Variants in IKZF2 observed in about 807,000 individuals in gnomAD.
IKZF2 encodes IKAROS family zinc finger 2, also known as zinc finger protein Helios.
IKZF2 carries 15 observed loss-of-function variants against 49.2 expected under a neutral mutation model. The observed-to-expected ratio is 0.30, with a 90% confidence interval of 0.20 to 0.47. The LOEUF is 0.47. Among genes scored for constraint, IKZF2 ranks in the 20% least tolerant of loss-of-function variants. IKZF2 has a pLI of 1.00. For synonymous variants in IKZF2, 227 were observed against 221.4 expected (o/e 1.03, Z -0.23); for missense variants, 567 against 664.6 (o/e 0.85, Z 1.61).
rs569890887 is a variant in IKZF2 at position 213,058,288 on chromosome 2, T to A, written c.140-1189A>T. 6.6e-5 allele frequency among the ~76,000 whole-genome samples: 10 copies of A among 152,180 alleles called. 2 individuals are homozygous for A. In the South Asian group the frequency reaches 1.9e-3, roughly 28 times the overall value. ...GAGTCTCATGTTTGCAAAGTACAGATGAACTCAGATTACTGAATAAAGTTC... is the reference window on the plus strand; with the variant it reads ...GAGTCTCATGTTTGCAAAGTACAGAAGAACTCAGATTACTGAATAAAGTTC... On this transcript the variant is annotated intron_variant, in intron 4 of 8. Transcript: ENST00000434687.
intron 4 of IKZF2, among the ~76,000 whole-genome samples, chr2:213,061,578 T>C (rs1362829228): frequency 6.6e-6 from 1 of 151,514 alleles, no homozygotes; most frequent in African/African-American, 2.4e-5. Flanking sequence ...CATACATTTG[T>C]AGACCTTACA....
chr2:213,057,606 C>T (rs1170384268), intron 4 of IKZF2, among the ~76,000 whole-genome samples: 2 of 152,096 alleles, frequency 1.3e-5, no homozygotes, highest in Admixed American at 6.6e-5. Context: ...CTTAATCCAG[C>T]AAATGTCTTT....
At chr2:213,044,597 C>T (rs762466870) in intron 6 of IKZF2, among the ~76,000 whole-genome samples, 2 of 152,112 alleles carry the variant, frequency 1.3e-5, no homozygotes, top group African/African-American at 2.4e-5. Flanking sequence ...GGAGCCATGG[C>T]ATTACTTGCT....
intron 6 of IKZF2, among the ~76,000 whole-genome samples, chr2:213,044,951 A>G (rs1174520912): frequency 6.6e-6 from 1 of 152,194 alleles, no homozygotes; most frequent in Non-Finnish European, 1.5e-5. Context: ...CAACAACTTC[A>G]TTGAGGTATA....
At chr2:213,016,430 A>G (rs1480943466) in intron 7 of IKZF2, among the ~76,000 whole-genome samples, 1 of 152,150 alleles carries the variant, frequency 6.6e-6, no homozygotes, top group African/African-American at 2.4e-5. Flanking sequence ...CATATTTGTA[A>G]GGTCTGCCAT....
At chr2:213,054,082 A>G (rs1336569830) in intron 5 of IKZF2, among the ~76,000 whole-genome samples, 1 of 152,018 alleles carries the variant, frequency 6.6e-6, no homozygotes, top group Non-Finnish European at 1.5e-5. Context: ...TGTCTCTACT[A>G]AAAATACAGA....
chr2:213,146,334 T>G (rs954508083), intron 4 of IKZF2, among the ~76,000 whole-genome samples: 1 of 152,114 alleles, frequency 6.6e-6, no homozygotes, highest in African/African-American at 2.4e-5. Context: ...AGATTCATTA[T>G]GAGATTAGTA....
At chr2:213,040,283 G>A (rs934333174) in intron 6 of IKZF2, among the ~76,000 whole-genome samples, 2 of 150,468 alleles carry the variant, frequency 1.3e-5, no homozygotes, top group African/African-American at 4.9e-5. Flanking sequence ...TGTCATCCAG[G>A]TATTAAGGCT....
chr2:213,144,022 A>C (rs1287284846), intron 4 of IKZF2, among the ~76,000 whole-genome samples: 1 of 151,954 alleles, frequency 6.6e-6, no homozygotes, highest in Non-Finnish European at 1.5e-5. Context: ...TGATTTCTTC[A>C]AGCCTCAATT....
intron 4 of IKZF2, among the ~76,000 whole-genome samples, chr2:213,129,109 G>T (rs1366090548): frequency 1.3e-5 from 2 of 151,800 alleles, no homozygotes; most frequent in African/African-American, 4.8e-5. Context: ...TTTATGGAAG[G>T]GAAAGAACAA....
intron 4 of IKZF2, among the ~76,000 whole-genome samples, chr2:213,119,923 T>C (rs890807946): frequency 1.3e-5 from 2 of 152,238 alleles, no homozygotes; most frequent in Middle Eastern, 3.2e-3. Flanking sequence ...TGAGATAGTA[T>C]CTGTTTGTTT....
At chr2:213,095,972 T>C (rs1181778361) in intron 4 of IKZF2, among the ~76,000 whole-genome samples, 1 of 151,940 alleles carries the variant, frequency 6.6e-6, no homozygotes, top group African/African-American at 2.4e-5. Context: ...TAATTGATAG[T>C]CATAAGTAAC....
chr2:213,031,824 A>G (rs113152134), intron 6 of IKZF2, among the ~76,000 whole-genome samples: 2 of 152,234 alleles, frequency 1.3e-5, no homozygotes, highest in Non-Finnish European at 2.9e-5. Flanking sequence ...TGTTAAAAAT[A>G]TATACATATC....
chr2:213,094,331 G>A (rs1468009671), intron 4 of IKZF2, among the ~76,000 whole-genome samples: 1 of 152,132 alleles, frequency 6.6e-6, no homozygotes, highest in Non-Finnish European at 1.5e-5. Context: ...GTAAAGATAG[G>A]GTGATAGCTA....
intron 5 of IKZF2, among the ~76,000 whole-genome samples, chr2:213,051,767 A>G (rs1037141743): frequency 9.2e-5 from 14 of 151,970 alleles, no homozygotes; most frequent in Non-Finnish European, 5.9e-5. Context: ...GCAAATATAT[A>G]TTATACTTTT....
intron 8 of IKZF2, among the ~76,000 whole-genome samples, 178 bp from the exon 9 acceptor site, chr2:213,008,262 T>C (rs904842489): frequency 1.4e-5 from 2 of 148,012 alleles, no homozygotes; most frequent in African/African-American, 4.9e-5. Context: ...TCACACACAT[T>C]TTTTTTTTTT....
At chr2:213,048,957 T>C (rs1350679688) in intron 6 of IKZF2, among the ~76,000 whole-genome samples, 1 of 152,106 alleles carries the variant, frequency 6.6e-6, no homozygotes, top group Non-Finnish European at 1.5e-5. Flanking sequence ...GAGTATTCTA[T>C]ATTAATTTTC....
At chr2:213,119,061 T>C (rs555892816) in intron 4 of IKZF2, among the ~76,000 whole-genome samples, 25 of 152,288 alleles carry the variant, frequency 1.6e-4, no homozygotes, top group Admixed American at 4.6e-4. Context: ...GGGAAAGGGT[T>C]CCTAGTGTCC....
chr2:213,143,310 T>C (rs2060936132), intron 4 of IKZF2, among the ~76,000 whole-genome samples: 1 of 151,922 alleles, frequency 6.6e-6, no homozygotes, highest in Admixed American at 6.6e-5. Context: ...AAGGATAATC[T>C]TTCTGCCATA....
Sources: allele counts gnomAD v4.1 joint callset (sites outside exome capture counted in the v4.1 genomes callset), GRCh38; gene constraint gnomAD v4.1.1; transcripts MANE v1.5; gene names NCBI Gene and HGNC (gene_info 2026-07-23, HGNC 2026-07-21).